GRID2: variants seen among roughly 807,000 people sequenced by gnomAD.
GRID2 encodes the protein glutamate receptor ionotropic, delta-2.
A neutral mutation model predicts 114.8 loss-of-function variants in GRID2; 33 were observed. That is an observed-to-expected ratio of 0.29 (90% confidence interval 0.22 to 0.38). The LOEUF is 0.38. GRID2 is among the 10% of genes least tolerant of loss of function. The pLI is 1.00. For synonymous variants in GRID2, 505 were observed against 449.9 expected, an observed-to-expected ratio of 1.12 and a Z score of -1.55; for missense variants, 1,184 against 1,257.7, an observed-to-expected ratio of 0.94 and a Z score of 0.89.
At chr4:92,658,793 G>A (rs62309217) in intron 2 of GRID2, among the ~76,000 whole-genome samples, 1,890 of 132,312 alleles carry the variant, frequency 0.014, 62 homozygotes, top group African/African-American at 0.052. Context: ...GTGTGTGTGT[G>A]TATATATATA....
At chr4:93,605,744 G>GT (rs746480433) in intron 13 of GRID2, among the ~76,000 whole-genome samples, 15 of 152,308 alleles carry the variant, frequency 9.8e-5, no homozygotes, top group Non-Finnish European at 1.8e-4. Context: ...AAAGCATGCA[G>GT]TTCCAGCCTA....
At chr4:92,403,592 T>C (rs890196429) in intron 1 of GRID2, among the ~76,000 whole-genome samples, 1 of 151,782 alleles carries the variant, frequency 6.6e-6, no homozygotes, top group Admixed American at 6.6e-5. Flanking sequence ...CTCAGGAGGC[T>C]GAGACAGGAG....
chr4:92,555,239 G>C (rs1442476726), intron 1 of GRID2, among the ~76,000 whole-genome samples: 1 of 152,092 alleles, frequency 6.6e-6, no homozygotes, highest in Non-Finnish European at 1.5e-5. Context: ...TAACCCATGA[G>C]AGTTATCCGC....
At chr4:93,434,129 A>G (rs927739093) in intron 10 of GRID2, among the ~76,000 whole-genome samples, 1 of 152,248 alleles carries the variant, frequency 6.6e-6, no homozygotes, top group Non-Finnish European at 1.5e-5. Context: ...AATGAATTCA[A>G]GAATGTGTTG....
At chr4:92,483,514 A>G (rs1722715507) in intron 1 of GRID2, among the ~76,000 whole-genome samples, 1 of 152,138 alleles carries the variant, frequency 6.6e-6, no homozygotes, top group African/African-American at 2.4e-5. Flanking sequence ...ATGTTGGGAA[A>G]AGCAATAAAG....
At chr4:92,672,927 C>A (rs1240382472) in intron 2 of GRID2, among the ~76,000 whole-genome samples, 1 of 152,072 alleles carries the variant, frequency 6.6e-6, no homozygotes, top group African/African-American at 2.4e-5. Flanking sequence ...AGTTCTTCTA[C>A]TAAGTGTGTA....
intron 3 of GRID2, among the ~76,000 whole-genome samples, chr4:93,101,919 T>C (rs1206852552): frequency 6.6e-6 from 1 of 152,130 alleles, no homozygotes; most frequent in Non-Finnish European, 1.5e-5. Flanking sequence ...AAGATAAATG[T>C]TGTTATTAGC....
chr4:92,717,681 G>T (rs749034182), intron 2 of GRID2, among the ~76,000 whole-genome samples: 9 of 152,246 alleles, frequency 5.9e-5, no homozygotes, highest in Non-Finnish European at 1.3e-4. Context: ...GCATTAAAAA[G>T]AATATGCAGT....
intron 2 of GRID2, among the ~76,000 whole-genome samples, chr4:92,676,008 A>G (rs1164702129): frequency 6.6e-6 from 1 of 152,114 alleles, no homozygotes; most frequent in Non-Finnish European, 1.5e-5. Flanking sequence ...TATTTTATTG[A>G]TTATCCATTT....
intron 2 of GRID2, among the ~76,000 whole-genome samples, chr4:92,952,158 G>T (rs879467723): frequency 1.3e-5 from 2 of 152,146 alleles, no homozygotes; most frequent in African/African-American, 4.8e-5. Flanking sequence ...GACTTAGCCC[G>T]GTGATATTTG....
At chr4:93,701,304 T>G (rs926771870) in intron 14 of GRID2, among the ~76,000 whole-genome samples, 1 of 152,178 alleles carries the variant, frequency 6.6e-6, no homozygotes, top group African/African-American at 2.4e-5. Context: ...CAGTGCTATC[T>G]GGAGGAGATT....
Position 93,284,072 on chromosome 4 carries a change from A to T in GRID2, c.1245+45582A>T, listed in dbSNP as rs182842779. Among the ~76,000 whole-genome samples, 181 of 152,152 alleles carry T rather than the reference A, an allele frequency of 1.2e-3. 3 individuals carry two copies. Among genetic ancestry groups the T allele is most frequent in the African/African-American group, 4.3e-3 (179 of 41,546 alleles). On this transcript the variant is annotated intron_variant, in intron 8 of 15. Coordinates refer to ENST00000282020, the MANE Select transcript of GRID2 (RefSeq NM_001510.4). ...AGTTTGATTTTCTTTTCCTTACAAG[A>T]TGACAGATTTTCTACTTTTTCTTAT... is the stretch of plus-strand genomic sequence containing the variant.
At chr4:92,328,509 C>T (rs1219086588) in intron 1 of GRID2, among the ~76,000 whole-genome samples, 1 of 152,066 alleles carries the variant, frequency 6.6e-6, no homozygotes, top group Non-Finnish European at 1.5e-5. Flanking sequence ...CTGCTAGCTT[C>T]TCAAGTAATC....
At position 92,461,585 on chromosome 4, in the gene GRID2, T is replaced by A. The variant is rs576641278; in HGVS notation, c.89-128546T>A. 2.0e-4 allele frequency among the ~76,000 whole-genome samples: 30 copies of A among 152,136 alleles called. No homozygotes were observed. In the South Asian group the frequency reaches 5.6e-3, roughly 28 times the overall value. ...CTACTTTCTGTATAATTGTGGATTT[T>A]ATATGAGAATTGCTAATAAAATGCC... is the stretch of plus-strand genomic sequence containing the variant. On this transcript the variant is annotated intron_variant, in intron 1 of 15. Coordinates refer to ENST00000282020, the MANE Select transcript of GRID2 (RefSeq NM_001510.4).
At chr4:93,209,458 C>T (rs1277031732) in intron 5 of GRID2, among the ~76,000 whole-genome samples, 1 of 152,004 alleles carries the variant, frequency 6.6e-6, no homozygotes. Context: ...CAGTATTCCA[C>T]AATGTATATG....
chr4:92,980,366 T>A (rs550257319), intron 2 of GRID2, among the ~76,000 whole-genome samples: 117 of 152,208 alleles, frequency 7.7e-4, no homozygotes, highest in African/African-American at 2.7e-3. Flanking sequence ...TATAATATTT[T>A]ACCTTAAAAA....
At chr4:92,555,073 C>G (rs538219701) in intron 1 of GRID2, among the ~76,000 whole-genome samples, 1 of 152,152 alleles carries the variant, frequency 6.6e-6, no homozygotes, top group Non-Finnish European at 1.5e-5. Flanking sequence ...AGGGTGGGAT[C>G]CAGTCGTGAG....
chr4:93,279,296 C>T (rs894554848), intron 8 of GRID2, among the ~76,000 whole-genome samples: 11 of 151,708 alleles, frequency 7.3e-5, no homozygotes, highest in East Asian at 1.9e-4. Flanking sequence ...AGGCACACTA[C>T]GAGTACACAA....
At chr4:92,875,206 G>C (rs1285546013) in intron 2 of GRID2, among the ~76,000 whole-genome samples, 5 of 145,600 alleles carry the variant, frequency 3.4e-5, no homozygotes, top group Non-Finnish European at 5.9e-5. Context: ...CTGTTGCCCG[G>C]GTTTGGAGCG....
Sources: allele counts gnomAD v4.1 joint callset (sites outside exome capture counted in the v4.1 genomes callset), GRCh38; gene constraint gnomAD v4.1.1; transcripts MANE v1.5; gene names NCBI Gene and HGNC (gene_info 2026-07-23, HGNC 2026-07-21).